COMP: variants seen among roughly 807,000 people sequenced by gnomAD.
COMP encodes the protein cartilage oligomeric matrix protein.
COMP carries 79 observed loss-of-function variants against 95.8 expected under a neutral mutation model. The observed-to-expected ratio is 0.82, with a 90% CI of 0.69 to 0.99. COMP has a LOEUF of 0.99. Among genes scored for constraint, COMP ranks in the 50% least tolerant of loss-of-function variants. The pLI, the probability that COMP is intolerant of heterozygous loss-of-function variation, is 0.00. For synonymous variants in COMP, 438 were observed against 433.9 expected (o/e 1.01, Z -0.12); for missense variants, 906 against 1,076.1 (o/e 0.84, Z 2.21).
chr19:18,785,216 C>G, intron 15 of COMP, 124 bp from the exon 16 acceptor site: 3 of 1,019,540 alleles, frequency 2.9e-6, no homozygotes, highest in Non-Finnish European at 4.5e-6. Flanking sequence ...CATTCCCACT[C>G]GCAGAGCCCG....
chr19:18,788,103 C>T lies in COMP; in HGVS notation c.975+109G>A. 3 of 900,854 alleles carry T rather than the reference C, an allele frequency of 3.3e-6. No homozygotes were observed. Among genetic ancestry groups the T allele is most frequent in the East Asian group, 2.6e-5 (1 of 38,304 alleles). The allele number at this position is 900,854 out of a possible 1,614,324, so 55.8% of individuals were successfully genotyped here. ...ATTTTTAGTAGAGGAGGGGTTTCAC[C>T]ATGATGGCCAGGATGGTCTCCATCT... On this transcript the variant is annotated intron_variant, in intron 9 of 18. Coordinates refer to ENST00000222271, the MANE Select transcript of COMP (RefSeq NM_000095.3). This position sits in a 1 kb window ranked among gnomAD's most constrained non-coding sequence, Gnocchi z 4.7.
chr19:18,786,838 T>A (rs2055171658), intron 10 of COMP, 188 bp from the exon 11 acceptor site: 1 of 504,062 alleles, frequency 2.0e-6, no homozygotes, highest in African/African-American at 2.2e-5. Context: ...AGTGGCATGA[T>A]CTCGGCTCAC....
In COMP at chr19:18,784,785, C is replaced by G. The variant is rs1179100615; in HGVS notation, c.1914+111G>C. 1 of 1,222,194 alleles carries G rather than the reference C, an allele frequency of 8.2e-7. No individual in the cohort carries two copies. The highest frequency in any genetic ancestry group is 1.2e-6 in the Non-Finnish European group (1 of 843,758). 75.7% of individuals were successfully genotyped at this position (1,222,194 alleles called of 1,614,324 possible). A position where few individuals can be genotyped will look rare whatever the true frequency, so the allele number is the denominator to read the frequency against. On this transcript the variant is annotated intron_variant, in intron 16 of 18. Coordinates refer to ENST00000222271, the MANE Select transcript of COMP (RefSeq NM_000095.3). The surrounding 1 kb of genome is among the most constrained non-coding windows in gnomAD (Gnocchi z 4.9). The stretch of plus-strand genomic sequence containing the variant: ...AGGAGGGCTGGGACAGCTTTGAGGT[C>G]CATAGTATGAGGCTAGGGGGCTGGG...
intron 13 of COMP, 56 bp from the exon 14 acceptor site, chr19:18,785,907 C>A (rs2055162859): frequency 6.2e-7 from 1 of 1,604,394 alleles, no homozygotes; most frequent in Non-Finnish European, 8.5e-7. Context: ...CACCGTAGAC[C>A]CCGCGCCAGG....
chr19:18,782,947 C>T lies in COMP; in HGVS notation c.2242G>A (p.Asp748Asn), dbSNP rs2145897380. The change falls in exon 19 of 19, where the codon GAC becomes AAC. Residue 748 changes from aspartate to asparagine, a missense_variant. Coordinates refer to ENST00000222271, the MANE Select transcript of COMP (RefSeq NM_000095.3). ...TGCCGCAGCTGATGGGTCTCATAGT[C>T]CTCTGGGATGGTGTCTGCAGGGAGA... ...RYRCNDTIPE[D>N]YETHQLRQA 4.3e-6 allele frequency: 7 copies of T among 1,612,718 alleles called. No homozygotes were observed. The highest frequency in any genetic ancestry group is 5.9e-6 in the Non-Finnish European group (7 of 1,179,984).
intron 15 of COMP, 110 bp downstream of exon 15, chr19:18,785,388 G>T: frequency 1.9e-6 from 1 of 517,062 alleles, no homozygotes; most frequent in Non-Finnish European, 3.2e-6. Flanking sequence ...TCCTGAGCCC[G>T]GGCCAGCCCC....
At chr19:18,785,369 C>T in intron 15 of COMP, 129 bp downstream of exon 15, 1 of 649,986 alleles carries the variant, frequency 1.5e-6, no homozygotes, top group Non-Finnish European at 2.5e-6. Context: ...GCCCCTCTGT[C>T]CCCGCCCTTC....
intron 3 of COMP, 70 bp downstream of exon 3, chr19:18,790,492 G>T (rs1307143478): frequency 6.3e-7 from 1 of 1,589,472 alleles, no homozygotes; most frequent in African/African-American, 1.3e-5. Flanking sequence ...GCTTTCCCTG[G>T]CTCTCTGTCT....
At position 18,784,411 on chromosome 19, in the gene COMP, GC is replaced by G. The variant is rs759546014; in HGVS notation, c.1915-49del. 1.9e-5 allele frequency: 31 copies of G among 1,608,028 alleles called. No individual in the cohort carries two copies. The highest frequency in any genetic ancestry group is 1.7e-4 in the Middle Eastern group (1 of 5,896). On this transcript the variant is annotated intron_variant, in intron 16 of 18. Transcript: ENST00000222271. This position sits in a 1 kb window ranked among gnomAD's most constrained non-coding sequence, Gnocchi z 4.9. ...GTCAGAGACCTCGTGGGCCACCGGA[GC>G]CCCCCTAGACACCTTCCTGGAGAGA...
Position 18,788,924 on chromosome 19 carries a change from G to T in COMP, c.529-11C>A. The T allele has an allele frequency of 6.2e-7, 1 of 1,612,632 alleles. No homozygotes were observed. Among genetic ancestry groups the T allele is most frequent in the Non-Finnish European group, 8.5e-7 (1 of 1,179,604 alleles). ...GATGTCCGTGCAAACCTAGGGGAGG[G>T]GAACTCAGAGGTCACCACCCCACGC... On this transcript the variant is annotated splice_polypyrimidine_tract_variant and intron_variant, in intron 5 of 18. Transcript: ENST00000222271. This position sits in a 1 kb window ranked among gnomAD's most constrained non-coding sequence, Gnocchi z 4.7.
In COMP at chr19:18,788,748, G is replaced by A; in HGVS notation, c.606C>T (p.Gly202=). 1 of 1,569,796 alleles carries A rather than the reference G, an allele frequency of 6.4e-7. No individual in the cohort carries two copies. The highest frequency in any genetic ancestry group is 2.3e-5 in the East Asian group (1 of 43,448). ...VPNSVCINTR[G]SFQCGPCQPG... ...GCTGGCACGGGCCGCACTGGAAGGA[G>A]CCCTGCGCCGGAGCCGCCGGAGGTC... Residue 202 remains glycine, a splice_region_variant and synonymous_variant, in exon 7 of 19, where the codon GGC becomes GGT. Transcript: ENST00000222271. The surrounding 1 kb of genome is among the most constrained non-coding windows in gnomAD (Gnocchi z 4.7).
Position 18,784,092 on chromosome 19 carries a change from T to G in COMP, c.2087+99A>C. The G allele has an allele frequency of 7.5e-7, 1 of 1,341,398 alleles. No homozygotes were observed. The highest frequency in any genetic ancestry group is 1.1e-6 in the Non-Finnish European group (1 of 936,154). 83.1% of individuals were successfully genotyped at this position (1,341,398 alleles called of 1,614,324 possible). On this transcript the variant is annotated intron_variant, in intron 17 of 18. Transcript: ENST00000222271. This position sits in a 1 kb window ranked among gnomAD's most constrained non-coding sequence, Gnocchi z 4.9. ...CCCTGTATCTTTCCTATCGTACAGATGAGGGGACCAGGGTCACACAGCCCC... is the reference window on the plus strand; with the variant it reads ...CCCTGTATCTTTCCTATCGTACAGAGGAGGGGACCAGGGTCACACAGCCCC...
At chr19:18,786,763 CTTTTTTTTTTTT>C (rs10577504) in intron 10 of COMP, 113 bp from the exon 11 acceptor site, 129 of 283,862 alleles carry the variant, frequency 4.5e-4, no homozygotes, top group African/African-American at 3.7e-3. Context: ...TTCATGGAAG[CTTTTTTTTTTTT>C]TTTTTTTTTT....
intron 2 of COMP, 73 bp downstream of exon 2, chr19:18,790,777 C>A (rs1042375034): frequency 6.3e-7 from 1 of 1,582,330 alleles, no homozygotes; most frequent in Non-Finnish European, 8.6e-7. Flanking sequence ...TCGGGTACTT[C>A]CTCTCTCCTC....
intron 3 of COMP, 52 bp from the exon 4 acceptor site, chr19:18,790,166 G>T: frequency 7.2e-7 from 1 of 1,387,236 alleles, no homozygotes; most frequent in Non-Finnish European, 9.7e-7. Context: ...GCTCGCCCGG[G>T]GGCAGAGCCT....
At chr19:18,785,172 C>T (rs375401510) in intron 15 of COMP, 80 bp from the exon 16 acceptor site, 1 of 1,351,788 alleles carries the variant, frequency 7.4e-7, no homozygotes, top group African/African-American at 1.4e-5. Context: ...CCCAAACCTG[C>T]CCCCTGGGTC....
At chr19:18,785,366 T>C in intron 15 of COMP, 132 bp downstream of exon 15, 1 of 459,428 alleles carries the variant, frequency 2.2e-6, no homozygotes, top group Non-Finnish European at 3.7e-6. Flanking sequence ...CCCGCCCCTC[T>C]GTCCCCGCCC....
Position 18,790,127 on chromosome 19 carries a change from G to A in COMP, c.218-13C>T, listed in dbSNP as rs1225414726. 1 of 1,519,198 alleles carries A rather than the reference G, an allele frequency of 6.6e-7. No homozygotes were observed. The highest frequency in any genetic ancestry group is 2.5e-5 in the East Asian group (1 of 40,448). The allele number at this position is 1,519,198 out of a possible 1,614,324, so 94.1% of individuals were successfully genotyped here. ...GACTGCTGCATCCCTGCGGGGGGGA[G>A]GGGGGAGAAGCGGCGGGGCTGATCG... is the stretch of plus-strand genomic sequence containing the variant. On this transcript the variant is annotated splice_polypyrimidine_tract_variant and intron_variant, in intron 3 of 18. Coordinates refer to ENST00000222271, the MANE Select transcript of COMP (RefSeq NM_000095.3).
In COMP at chr19:18,786,289, CGCCTGCG is replaced by C. The variant is rs1568554996; in HGVS notation, c.1255-5_1256del. The stretch of plus-strand genomic sequence containing the variant: ...CTCCCACAAAGTCGTGGTCCACATC[CGCCTGCG>C]GAGGGCAGCATGCGGGGGTCCATAA... On this transcript the variant is annotated splice_acceptor_variant and splice_polypyrimidine_tract_variant and coding_sequence_variant and intron_variant, in exon 12 of 19. Coordinates refer to ENST00000222271, the MANE Select transcript of COMP (RefSeq NM_000095.3). LOFTEE classifies it high-confidence loss of function. 3.1e-6 allele frequency: 5 copies of C among 1,613,930 alleles called. No homozygotes were observed. Among genetic ancestry groups the C allele is most frequent in the Non-Finnish European group, 4.2e-6 (5 of 1,180,034 alleles).
Sources: gnomAD v4.1 joint callset for allele counts on GRCh38, gnomAD v4.1.1 for gene constraint, Gnocchi (gnomAD v3.1) non-coding constraint, MANE v1.5 for transcripts, NCBI Gene and HGNC (gene_info 2026-07-23, HGNC 2026-07-21) for gene names.